The following SEC14L5 variants were observed in gnomAD, a reference collection of about 807,000 sequenced individuals.
The protein encoded by SEC14L5 is SEC14 like lipid binding 5, also known as SEC14-like protein 5.
SEC14L5 carries 96 observed loss-of-function variants against 84.6 expected under a neutral mutation model. That is an observed-to-expected ratio of 1.13 (90% CI 0.96 to 1.34). The LOEUF (loss-of-function observed/expected upper bound fraction) is 1.34. SEC14L5 is among the 40% of genes most tolerant of loss of function. The pLI, the probability that SEC14L5 is intolerant of heterozygous loss-of-function variation, is 0.00. For synonymous variants in SEC14L5, 546 were observed against 383.4 expected, an observed-to-expected ratio of 1.42 and a Z score of -4.95; for missense variants, 1,224 against 942.5, an observed-to-expected ratio of 1.30 and a Z score of -3.91.
intron 8 of SEC14L5, among the ~76,000 whole-genome samples, chr16:4,998,737 C>CAAAAAAAAAAAAAAAA (rs60494025): frequency 1.1e-5 from 1 of 94,036 alleles, no homozygotes; most frequent in African/African-American, 4.8e-5. Flanking sequence ...GACTCCGTCT[C>CAAAAAAAAAAAAAAAA]AAAAAAAAAA....
At position 4,998,481 on chromosome 16, in the gene SEC14L5, G is replaced by A. The variant is rs549843815; in HGVS notation, c.970+1437G>A. Among the ~76,000 whole-genome samples, 16 of 150,830 alleles carry A rather than the reference G, an allele frequency of 1.1e-4. No individual in the cohort carries two copies. In the South Asian group the frequency reaches 3.2e-3, roughly 30 times the overall value. ...GGGCCGGGCGCGGTGGCTCACGCCT[G>A]TAATCCCAGCACTTTGGGAGGCCGA... is the stretch of plus-strand genomic sequence containing the variant. On this transcript the variant is annotated intron_variant, in intron 8 of 15. Transcript: ENST00000251170.
intron 10 of SEC14L5, among the ~76,000 whole-genome samples, chr16:5,002,987 G>C (rs957867428): frequency 2.0e-5 from 3 of 152,246 alleles, no homozygotes; most frequent in Admixed American, 1.3e-4. Context: ...CACACGCTTA[G>C]CATTGCAATA....
At chr16:4,980,799 G>T (rs1955414029) in intron 2 of SEC14L5, among the ~76,000 whole-genome samples, 1 of 152,170 alleles carries the variant, frequency 6.6e-6, no homozygotes, top group African/African-American at 2.4e-5. Context: ...GACCAGCATG[G>T]ATGAGGCCCT....
chr16:4,997,753 A>C (rs938531926), intron 8 of SEC14L5, among the ~76,000 whole-genome samples: 1 of 152,128 alleles, frequency 6.6e-6, no homozygotes, highest in South Asian at 2.1e-4. Context: ...GCTCCCTCTG[A>C]AAGTTCTAGG....
In SEC14L5 at chr16:5,008,852, A is replaced by G. The variant is rs554336213; in HGVS notation, c.1800+204A>G. 3.3e-5 allele frequency among the ~76,000 whole-genome samples: 5 copies of G among 152,320 alleles called. No individual in the cohort carries two copies. In the East Asian group the frequency reaches 9.7e-4, roughly 29 times the overall value. ...CCCAATGGCAGCCGGTGCAAAATCG[A>G]GAAAGCACGGGGTGCTCTGCTGAGA... On this transcript the variant is annotated intron_variant, in intron 14 of 15. Coordinates refer to ENST00000251170, the MANE Select transcript of SEC14L5 (RefSeq NM_014692.2).
chr16:5,003,624 G>GGGGGGGGGGGGGCCC, intron 11 of SEC14L5, 51 bp downstream of exon 11: 1 of 305,312 alleles, frequency 3.3e-6, no homozygotes, highest in Non-Finnish European at 6.5e-6. Context: ...GGTGGGATGG[G>GGGGGGGGGGGGGCCC]AGGGGTTCCG....
chr16:5,011,314 C>T lies in SEC14L5; in HGVS notation c.1979+41C>T, dbSNP rs202211641. On this transcript the variant is annotated intron_variant, in intron 15 of 15. Transcript: ENST00000251170. ...AGCGGGGTCCTGGGCAGGAAGGACCCTGGGGCTGATTGACAATGCAGATGC... is the reference window on the plus strand; with the variant it reads ...AGCGGGGTCCTGGGCAGGAAGGACCTTGGGGCTGATTGACAATGCAGATGC... 1.4e-3 allele frequency: 2,217 copies of T among 1,583,094 alleles called. 19 individuals carry two copies. Among genetic ancestry groups the T allele is most frequent in the South Asian group, 1.0e-2 (892 of 89,620 alleles).
rs1955522382 is a variant in SEC14L5 at position 4,988,738 on chromosome 16, G to A, written c.345+458G>A. Reference sequence around the variant, plus strand: ...GTGCCTGGCACATATTAAGTTCTACGTAAATGTTACCTTTGACTATAATTA... The same window carrying A: ...GTGCCTGGCACATATTAAGTTCTACATAAATGTTACCTTTGACTATAATTA... On this transcript the variant is annotated intron_variant, in intron 4 of 15. Coordinates refer to ENST00000251170, the MANE Select transcript of SEC14L5 (RefSeq NM_014692.2). Among the ~76,000 whole-genome samples, 6 of 152,266 alleles carry A rather than the reference G, an allele frequency of 3.9e-5. No homozygotes were observed. In the South Asian group the frequency reaches 1.2e-3, roughly 32 times the overall value.
At chr16:4,982,313 T>A (rs995267481) in intron 2 of SEC14L5, among the ~76,000 whole-genome samples, 1 of 152,098 alleles carries the variant, frequency 6.6e-6, no homozygotes, top group Admixed American at 6.5e-5. Context: ...TTGATCCCAA[T>A]TCCGGGGCAC....
intron 2 of SEC14L5, among the ~76,000 whole-genome samples, chr16:4,963,431 C>A (rs1374012970): frequency 3.3e-5 from 5 of 151,972 alleles, no homozygotes; most frequent in African/African-American, 1.2e-4. Flanking sequence ...CTGCAACCTC[C>A]GCCTTCTGGG....
intron 9 of SEC14L5, 53 bp downstream of exon 9, chr16:5,000,796 G>A (rs963328463): frequency 9.6e-6 from 15 of 1,564,132 alleles, no homozygotes; most frequent in East Asian, 2.4e-5. Flanking sequence ...GGCCTGGGAA[G>A]GACTGTGTGG....
rs1383357500 is a variant in SEC14L5, at chr16:5,017,225, T to TG, written c.*2260dup. 3 of 151,966 alleles carry TG rather than the reference T, an allele frequency of 2.0e-5. No homozygotes were observed. Among genetic ancestry groups the TG allele is most frequent in the African/African-American group, 4.8e-5 (2 of 41,322 alleles). 9.4% of individuals were successfully genotyped at this position (151,966 alleles called of 1,614,324 possible). ...GCTATCAGCTGTCCACCCTTAACAG[T>TG]GGGGGTGAGGAACCTCAGGCCCTTT... On this transcript the variant is annotated 3_prime_UTR_variant, in exon 16 of 16. Coordinates refer to ENST00000251170, the MANE Select transcript of SEC14L5 (RefSeq NM_014692.2).
chr16:4,970,782 A>G (rs9937749), intron 2 of SEC14L5, among the ~76,000 whole-genome samples: 64,826 of 152,068 alleles, frequency 0.43, 14,497 homozygotes, highest in Non-Finnish European at 0.5. Context: ...CCAGCCCAAA[A>G]GTACATCCAA....
intron 8 of SEC14L5, among the ~76,000 whole-genome samples, chr16:4,998,991 A>G (rs1162737481): frequency 6.6e-6 from 1 of 152,170 alleles, no homozygotes; most frequent in Non-Finnish European, 1.5e-5. Context: ...CCCATCACGC[A>G]TGCTGTCTGC....
At chr16:4,975,389 C>A (rs561481992) in intron 2 of SEC14L5, among the ~76,000 whole-genome samples, 3 of 140,452 alleles carry the variant, frequency 2.1e-5, no homozygotes, top group East Asian at 4.4e-4. Context: ...AGAAGAATGG[C>A]GTGAACCCGG....
intron 6 of SEC14L5, among the ~76,000 whole-genome samples, chr16:4,992,493 C>G (rs893768838): frequency 6.6e-5 from 10 of 152,216 alleles, no homozygotes; most frequent in African/African-American, 2.2e-4. Context: ...CTCAAGTGAT[C>G]TGCTTGCCTT....
chr16:4,981,572 G>A (rs1243264270), intron 2 of SEC14L5, among the ~76,000 whole-genome samples: 2 of 152,142 alleles, frequency 1.3e-5, no homozygotes, highest in Admixed American at 6.6e-5. Context: ...AGGAGAAGAT[G>A]TGACCGCTTG....
In SEC14L5 at chr16:5,006,133, G is replaced by T. The variant is rs1955729982; in HGVS notation, c.1437+85G>T. On this transcript the variant is annotated intron_variant, in intron 12 of 15. Transcript: ENST00000251170. ...AGGCTGGGATTCCCGGAGTGGGGCT[G>T]GGAGGTGGAGGGGGGCTGGGTGCGG... The T allele has an allele frequency of 1.1e-5, 16 of 1,427,242 alleles. No homozygotes were observed. In the East Asian group the frequency reaches 3.4e-4, roughly 31 times the overall value. 88.4% of individuals were successfully genotyped at this position (1,427,242 alleles called of 1,614,324 possible). A position where few individuals can be genotyped will look rare whatever the true frequency, so the allele number is the denominator to read the frequency against.
intron 8 of SEC14L5, 60 bp downstream of exon 8, chr16:4,997,104 T>A: frequency 7.9e-7 from 1 of 1,258,680 alleles, no homozygotes; most frequent in Non-Finnish European, 1.1e-6. Context: ...AAATGCACTT[T>A]ATTTATTATT....
Sources: allele counts gnomAD v4.1 joint callset (sites outside exome capture counted in the v4.1 genomes callset), GRCh38; gene constraint gnomAD v4.1.1; transcripts MANE v1.5; gene names NCBI Gene and HGNC (gene_info 2026-07-23, HGNC 2026-07-21).